Variants in PARP8 observed in about 807,000 individuals in gnomAD.
The protein encoded by PARP8 is protein mono-ADP-ribosyltransferase PARP8.
A neutral mutation model predicts 124.1 loss-of-function variants in PARP8; 51 were observed. That is an observed-to-expected ratio of 0.41 (90% CI 0.33 to 0.52). The LOEUF is 0.52. Ranked by LOEUF, PARP8 falls within the 20% of genes least tolerant of loss-of-function variation. PARP8 has a pLI of 0.21. For missense variants in PARP8, 860 were observed against 1,018.9 expected (o/e 0.84, Z 2.12); for synonymous variants, 391 against 361.5 (o/e 1.08, Z -0.93).
At chr5:50,793,493 G>C (rs1580359895) in intron 10 of PARP8, among the ~76,000 whole-genome samples, 1 of 152,098 alleles carries the variant, frequency 6.6e-6, no homozygotes, top group Non-Finnish European at 1.5e-5. Context: ...AGCACTGATG[G>C]AGTGATTTTG....
intron 2 of PARP8, among the ~76,000 whole-genome samples, chr5:50,709,397 A>G (rs1330462048): frequency 2.0e-5 from 3 of 151,800 alleles, no homozygotes; most frequent in Non-Finnish European, 4.4e-5. Context: ...TGTGCCAAGT[A>G]TATTCTGGTT....
chr5:50,709,406 TTATC>T (rs1431772724), intron 2 of PARP8, among the ~76,000 whole-genome samples: 2 of 152,016 alleles, frequency 1.3e-5, no homozygotes, highest in Non-Finnish European at 1.5e-5. Flanking sequence ...TATATTCTGG[TTATC>T]TATATTTCTT....
At chr5:50,689,689 C>A (rs1267406588) in intron 2 of PARP8, among the ~76,000 whole-genome samples, 1 of 152,148 alleles carries the variant, frequency 6.6e-6, no homozygotes, top group Non-Finnish European at 1.5e-5. Context: ...TTTTCTATGA[C>A]CCAGAAAATG....
chr5:50,776,973 T>A (rs1561364918), intron 7 of PARP8, among the ~76,000 whole-genome samples: 1 of 152,186 alleles, frequency 6.6e-6, no homozygotes, highest in Admixed American at 6.5e-5. Context: ...AAATCTTAGT[T>A]TTCTCATCTG....
intron 7 of PARP8, among the ~76,000 whole-genome samples, chr5:50,763,977 TC>T (rs995445134): frequency 4.6e-5 from 7 of 152,190 alleles, no homozygotes; most frequent in African/African-American, 1.7e-4. Flanking sequence ...TATGTCATAT[TC>T]CCGCTTCACG....
chr5:50,732,680 G>A (rs1474349822), intron 2 of PARP8, among the ~76,000 whole-genome samples: 3 of 151,274 alleles, frequency 2.0e-5, no homozygotes, highest in Non-Finnish European at 2.9e-5. Context: ...GTGCAGTGGC[G>A]CGATCTTGTC....
Position 50,815,452 on chromosome 5 carries a change from G to C in PARP8, c.1596G>C (p.Glu532Asp). ...TGTAGCCTACCGTATGTGAACGGGAGCTGTGTGTGTTTGCTTTTCAAACCC... is the reference window on the plus strand; with the variant it reads ...TGTAGCCTACCGTATGTGAACGGGACCTGTGTGTGTTTGCTTTTCAAACCC... Reference protein sequence around the residue: ...PMLRPTVCERELCVFAFQTLG... With the variant: ...PMLRPTVCERDLCVFAFQTLG... The change falls in exon 15 of 26, where the codon GAG becomes GAC. Residue 532 changes from glutamate to aspartate, a missense_variant. Glu to Asp is a conservative substitution (Grantham distance 45). Coordinates refer to ENST00000281631, the MANE Select transcript of PARP8 (RefSeq NM_024615.4). 2 of 1,596,256 alleles carry C rather than the reference G, an allele frequency of 1.3e-6. No individual in the cohort carries two copies. Among genetic ancestry groups the C allele is most frequent in the Non-Finnish European group, 1.7e-6 (2 of 1,172,514 alleles).
At chr5:50,777,651 A>T (rs2149608711) in intron 7 of PARP8, among the ~76,000 whole-genome samples, 1 of 152,190 alleles carries the variant, frequency 6.6e-6, no homozygotes, top group East Asian at 1.9e-4. Context: ...AGAAGGAAAA[A>T]TTATGGGTGC....
intron 2 of PARP8, among the ~76,000 whole-genome samples, chr5:50,717,765 ATGAGGTAAGT>A (rs1198565708): frequency 6.6e-6 from 1 of 152,006 alleles, no homozygotes; most frequent in African/African-American, 2.4e-5. Flanking sequence ...ATCTTTGCAC[ATGAGGTAAGT>A]TGACCTCATG....
intron 7 of PARP8, among the ~76,000 whole-genome samples, chr5:50,776,128 T>G (rs1739986796): frequency 6.6e-6 from 1 of 152,238 alleles, no homozygotes. Flanking sequence ...AAATGCTTTT[T>G]GTCTGTTGAA....
intron 14 of PARP8, among the ~76,000 whole-genome samples, chr5:50,807,491 G>A (rs936230852): frequency 2.0e-5 from 3 of 152,070 alleles, no homozygotes; most frequent in African/African-American, 7.2e-5. Flanking sequence ...CAACTAGAGT[G>A]TTAATGCAGC....
chr5:50,693,649 T>C (rs1261933371), intron 2 of PARP8, among the ~76,000 whole-genome samples: 1 of 151,540 alleles, frequency 6.6e-6, no homozygotes, highest in Non-Finnish European at 1.5e-5. Context: ...ACATTAATTA[T>C]ATAATTAAGT....
chr5:50,722,484 G>A (rs1349153789), intron 2 of PARP8, among the ~76,000 whole-genome samples: 2 of 152,126 alleles, frequency 1.3e-5, no homozygotes, highest in East Asian at 3.9e-4. Context: ...GTGACTGTAT[G>A]GAGCTGAGTC....
intron 18 of PARP8, among the ~76,000 whole-genome samples, chr5:50,825,707 C>T (rs547354030): frequency 6.6e-6 from 1 of 152,214 alleles, no homozygotes; most frequent in African/African-American, 2.4e-5. Context: ...TTGAAAACTC[C>T]AACTCCGTGA....
rs760123129 is a variant in PARP8 at position 50,760,358 on chromosome 5, G to T, written c.341G>T (p.Gly114Val). 92 of 1,517,942 alleles carry T rather than the reference G, an allele frequency of 6.1e-5. No individual in the cohort carries two copies. The highest frequency in any genetic ancestry group is 3.6e-4 in the Middle Eastern group (2 of 5,606). 94.0% of individuals were successfully genotyped at this position (1,517,942 alleles called of 1,614,324 possible). Residue 114 changes from glycine to valine, a missense_variant, in exon 5 of 26, where the codon GGG becomes GTG. This residue lies in a region of PARP8 where 517 missense variants were observed against 544.2 expected (regional missense o/e 0.95). Transcript: ENST00000281631. ...AAATCCAAATTACAAAAGGAAAATGGGGAGGTATGTAAATTATATTTTTTA... is the reference window on the plus strand; with the variant it reads ...AAATCCAAATTACAAAAGGAAAATGTGGAGGTATGTAAATTATATTTTTTA... Reference protein sequence around the residue: ...SIKSKLQKENGEESRQNSTVE... With the variant: ...SIKSKLQKENVEESRQNSTVE...
Position 50,692,687 on chromosome 5 carries a change from A to C in PARP8, c.146+24562A>C, listed in dbSNP as rs566576724. On this transcript the variant is annotated intron_variant, in intron 2 of 25. Transcript: ENST00000281631. ...CTTTTTCTTGATTTCATAGGCTGGT[A>C]AAAAAATAATACTTTTTTTCCCTCT... Among the ~76,000 whole-genome samples the C allele has an allele frequency of 5.3e-5, 8 of 152,058 alleles. No homozygotes were observed. The South Asian group carries it at 1.7e-3, about 32-fold the overall frequency.
intron 2 of PARP8, among the ~76,000 whole-genome samples, chr5:50,678,006 G>A (rs1750834033): frequency 6.6e-6 from 1 of 151,668 alleles, no homozygotes; most frequent in Admixed American, 6.6e-5. Context: ...TTTTTATTCA[G>A]TAAAAGTGCC....
intron 2 of PARP8, among the ~76,000 whole-genome samples, chr5:50,690,046 A>G (rs1342123659): frequency 6.6e-6 from 1 of 152,160 alleles, no homozygotes; most frequent in Non-Finnish European, 1.5e-5. Flanking sequence ...CAAGGGGACA[A>G]GGGAGACTTT....
At position 50,731,100 on chromosome 5, in the gene PARP8, C is replaced by T. The variant is rs1335540293; in HGVS notation, c.147-19051C>T. ...TTAGAGGAAATGTCAGAAAACCTGGCTCTGCTTCTGGTTCCGCATGGAATT... is the reference window on the plus strand; with the variant it reads ...TTAGAGGAAATGTCAGAAAACCTGGTTCTGCTTCTGGTTCCGCATGGAATT... On this transcript the variant is annotated intron_variant, in intron 2 of 25. Transcript: ENST00000281631. Among the ~76,000 whole-genome samples, 9 of 152,200 alleles carry T rather than the reference C, an allele frequency of 5.9e-5. 1 individual carries two copies. Among genetic ancestry groups the T allele is most frequent in the Non-Finnish European group, 1.3e-4 (9 of 68,038 alleles).
Sources: gnomAD v4.1 joint callset for allele counts (sites outside exome capture counted in the v4.1 genomes callset) on GRCh38, gnomAD v4.1.1 for gene constraint, gnomAD v4.1.1 regional missense constraint, MANE v1.5 for transcripts, NCBI Gene and HGNC (gene_info 2026-07-23, HGNC 2026-07-21) for gene names.